RYR2: variants seen among roughly 807,000 people sequenced by gnomAD.
The protein encoded by RYR2 is cardiac muscle ryanodine receptor-calcium release channel.
Under a neutral mutation model 601.1 loss-of-function variants are expected in RYR2, and 227 were observed. The ratio of observed to expected loss-of-function variants is 0.38; its 90% CI spans 0.34 to 0.42. RYR2 has a LOEUF of 0.42. Ranked by LOEUF, RYR2 falls within the 10% of genes least tolerant of loss-of-function variation. The pLI, the probability that RYR2 is intolerant of heterozygous loss-of-function variation, is 1.00. For missense variants in RYR2, 4,646 were observed against 6,156.5 expected (o/e 0.75, Z 8.21); for synonymous variants, 2,223 against 2,175.1 (o/e 1.02, Z -0.61).
intron 44 of RYR2, among the ~76,000 whole-genome samples, chr1:237,635,895 C>A (rs897400485): frequency 6.6e-6 from 1 of 152,158 alleles, no homozygotes; most frequent in Admixed American, 6.5e-5. Context: ...ACCTGCTAGT[C>A]CAACCATCTG....
intron 67 of RYR2, 36 bp from the exon 68 acceptor site, chr1:237,706,913 T>G (rs779384960): frequency 1.3e-6 from 2 of 1,544,750 alleles, no homozygotes; most frequent in Non-Finnish European, 1.8e-6. Flanking sequence ...CAGTACTTTC[T>G]TTGAATATCA....
intron 71 of RYR2, among the ~76,000 whole-genome samples, chr1:237,716,303 T>C (rs2149097182): frequency 6.6e-6 from 1 of 152,184 alleles, no homozygotes; most frequent in East Asian, 1.9e-4. Context: ...TTTTTCTCAA[T>C]AGCCCAAGAC....
At chr1:237,201,706 G>C (rs1319307207) in intron 1 of RYR2, among the ~76,000 whole-genome samples, 1 of 152,114 alleles carries the variant, frequency 6.6e-6, no homozygotes, top group Non-Finnish European at 1.5e-5. Context: ...ATTTTCACTG[G>C]ATGAGGGGCT....
chr1:237,695,339 T>C (rs1365814525), intron 63 of RYR2, among the ~76,000 whole-genome samples: 1 of 152,190 alleles, frequency 6.6e-6, no homozygotes, highest in Non-Finnish European at 1.5e-5. Context: ...GATGCACTGA[T>C]ATAAATACAC....
intron 1 of RYR2, among the ~76,000 whole-genome samples, chr1:237,175,613 G>C (rs538851391): frequency 1.3e-5 from 2 of 152,100 alleles, no homozygotes; most frequent in Non-Finnish European, 2.9e-5. Context: ...AACTCTTTGG[G>C]ATCTACAGCA....
At chr1:237,233,704 G>A (rs899121451) in intron 1 of RYR2, among the ~76,000 whole-genome samples, 4 of 152,090 alleles carry the variant, frequency 2.6e-5, no homozygotes, top group Admixed American at 6.5e-5. Flanking sequence ...ACCCAGGCTG[G>A]GGTGCAGTGG....
chr1:237,659,929 A>T (rs900799834), intron 54 of RYR2, 56 bp from the exon 55 acceptor site: 2 of 1,185,928 alleles, frequency 1.7e-6, no homozygotes, highest in African/African-American at 3.1e-5. Context: ...CTGCATATCT[A>T]CAATCTCTAA....
chr1:237,606,691 A>G (rs1677163711), intron 35 of RYR2, among the ~76,000 whole-genome samples: 1 of 152,232 alleles, frequency 6.6e-6, no homozygotes, highest in Non-Finnish European at 1.5e-5. Context: ...ACAAAGGGCT[A>G]ATATCCAGAA....
In RYR2 at chr1:237,192,144, C is replaced by T. The variant is rs193028930; in HGVS notation, c.49-78353C>T. Reference sequence around the variant, plus strand: ...GACAGAGCCAAGACTTCAACCCATGCATCACAATACTGCGGCCTCTGCTTT... The same window carrying T: ...GACAGAGCCAAGACTTCAACCCATGTATCACAATACTGCGGCCTCTGCTTT... On this transcript the variant is annotated intron_variant, in intron 1 of 104. Transcript: ENST00000366574. Among the ~76,000 whole-genome samples the T allele has an allele frequency of 1.8e-4, 27 of 150,410 alleles. No homozygotes were observed. In the East Asian group the frequency reaches 3.7e-3, roughly 21 times the overall value.
In RYR2 at chr1:237,715,683, A is replaced by T. The variant is rs552715893; in HGVS notation, c.10324-1515A>T. Among the ~76,000 whole-genome samples, 647 of 152,268 alleles carry T rather than the reference A, an allele frequency of 4.2e-3. 8 individuals are homozygous for T. Among genetic ancestry groups the T allele is most frequent in the Non-Finnish European group, 5.6e-3 (380 of 67,990 alleles). On this transcript the variant is annotated intron_variant, in intron 71 of 104. Coordinates refer to ENST00000366574, the MANE Select transcript of RYR2 (RefSeq NM_001035.3). Reference sequence around the variant, plus strand: ...AACACCAATAAATTTAGACTAAGAAAACTCCAAACCAATACAATTTAGACT... The same window carrying T: ...AACACCAATAAATTTAGACTAAGAATACTCCAAACCAATACAATTTAGACT...
chr1:237,202,343 CA>C (rs1369489188), intron 1 of RYR2, among the ~76,000 whole-genome samples: 5 of 152,128 alleles, frequency 3.3e-5, no homozygotes, highest in African/African-American at 4.8e-5. Context: ...ATTTGATGGT[CA>C]CTTAGCAAAA....
In RYR2 at chr1:237,589,932, T is replaced by A. The variant is rs755170090; in HGVS notation, c.3738T>A (p.Asp1246Glu). 3 of 1,613,970 alleles carry A rather than the reference T, an allele frequency of 1.9e-6. No individual in the cohort carries two copies. The highest frequency in any genetic ancestry group is 2.5e-6 in the Non-Finnish European group (3 of 1,179,868). The change falls in exon 30 of 105, where the codon GAT (aspartate) becomes GAA (glutamate). Residue 1246 changes from aspartate (D) to glutamate (E), a missense_variant. Asp to Glu is a conservative substitution (Grantham distance 45). Coordinates refer to ENST00000366574, the MANE Select transcript of RYR2 (RefSeq NM_001035.3). ...YEPFAVNTNR[D>E]ITMWLSKRLP... is the part of the protein sequence containing the mutation. The stretch of plus-strand genomic sequence containing the variant: ...CATTTGCCGTTAATACAAACAGGGA[T>A]ATTACCATGTGGCTGAGCAAGAGGC...
intron 98 of RYR2, chr1:237,802,361 C>T (rs536530745): frequency 9.9e-5 from 15 of 152,000 alleles, no homozygotes; most frequent in African/African-American, 2.2e-4. Context: ...AATATAGGGC[C>T]GTAATATATA....
chr1:237,355,836 ATGCTTTAGAAT>A, intron 3 of RYR2, 118 bp from the exon 4 acceptor site: 1 of 737,186 alleles, frequency 1.4e-6, no homozygotes, highest in Non-Finnish European at 2.2e-6. Flanking sequence ...ACAATTTTTT[ATGCTTTAGAAT>A]TGGAAGTAGA....
chr1:237,671,342 T>C (rs774182699), intron 58 of RYR2, among the ~76,000 whole-genome samples: 18 of 152,074 alleles, frequency 1.2e-4, no homozygotes, highest in Non-Finnish European at 2.1e-4. Flanking sequence ...AAACGACATG[T>C]GTCTTTTTTT....
At chr1:237,456,574 G>A in intron 15 of RYR2, 26 bp from the exon 16 acceptor site, 1 of 1,271,150 alleles carries the variant, frequency 7.9e-7, no homozygotes, top group South Asian at 1.7e-5. Flanking sequence ...GTCTGATTGT[G>A]ATTTTTTTTT....
At chr1:237,414,371 C>A (rs761420838) in intron 10 of RYR2, among the ~76,000 whole-genome samples, 1 of 152,108 alleles carries the variant, frequency 6.6e-6, no homozygotes, top group Non-Finnish European at 1.5e-5. Flanking sequence ...AAATATGGAC[C>A]ATCAACATCA....
At chr1:237,481,685 G>A (rs943670281) in intron 17 of RYR2, among the ~76,000 whole-genome samples, 5 of 151,780 alleles carry the variant, frequency 3.3e-5, no homozygotes, top group South Asian at 2.1e-4. Context: ...ATTTAAACTC[G>A]TGGAAAAAAA....
chr1:237,322,533 A>G (rs1459525891), intron 2 of RYR2, among the ~76,000 whole-genome samples: 1 of 152,186 alleles, frequency 6.6e-6, no homozygotes, highest in African/African-American at 2.4e-5. Context: ...TATATCAGGC[A>G]AGAAACCTAT....
Sources: allele counts gnomAD v4.1 joint callset (sites outside exome capture counted in the v4.1 genomes callset), GRCh38; gene constraint gnomAD v4.1.1; transcripts MANE v1.5; gene names NCBI Gene and HGNC (gene_info 2026-07-23, HGNC 2026-07-21).